The following SLC12A6 variants were observed in gnomAD, a reference collection of about 807,000 sequenced individuals.
SLC12A6 encodes K-Cl cotransporter 3.
Under a neutral mutation model 135.3 loss-of-function variants are expected in SLC12A6, and 66 were observed. The ratio of observed to expected loss-of-function variants is 0.49; its 90% CI spans 0.40 to 0.60. The LOEUF (loss-of-function observed/expected upper bound fraction) is 0.60, where lower values mean the gene tolerates loss of function less well. Among genes scored for constraint, SLC12A6 ranks in the 20% least tolerant of loss-of-function variants. The pLI is 0.00. For synonymous variants in SLC12A6, 513 were observed against 508.8 expected (o/e 1.01, Z -0.11); for missense variants, 1,058 against 1,452.3 (o/e 0.73, Z 4.41).
chr15:34,281,876 A>G (rs919513850), intron 2 of SLC12A6, among the ~76,000 whole-genome samples: 3 of 152,230 alleles, frequency 2.0e-5, no homozygotes, highest in African/African-American at 7.2e-5. Flanking sequence ...CAGTGCATAC[A>G]AAAAGTTAAT....
intron 2 of SLC12A6, among the ~76,000 whole-genome samples, chr15:34,332,782 C>CA (rs555186537): frequency 0.046 from 4,721 of 103,018 alleles, 191 homozygotes; most frequent in African/African-American, 0.14. Context: ...GACTTTGCCT[C>CA]AAAAAAAAAA....
rs558529595 is a variant in SLC12A6 at position 34,319,221 on chromosome 15, C to T, written c.271+17189G>A. ...TGCGATCTCAGCTCACTGCAACCTC[C>T]GCCTCCCAGGTTCAAGCGATTCTCC... is the stretch of plus-strand genomic sequence containing the variant. On this transcript the variant is annotated intron_variant, in intron 2 of 25. Transcript: ENST00000354181. Among the ~76,000 whole-genome samples the T allele has an allele frequency of 1.1e-4, 17 of 151,536 alleles. 1 individual carries two copies. The highest frequency in any genetic ancestry group is 2.6e-4 in the Admixed American group (4 of 15,242).
intron 3 of SLC12A6, 64 bp from the exon 4 acceptor site, chr15:34,261,084 C>T: frequency 1.2e-6 from 1 of 836,146 alleles, no homozygotes; most frequent in East Asian, 2.4e-5. Context: ...ACATCAGCAC[C>T]AGATAAGTGC....
rs758782328 is a variant in SLC12A6 at position 34,239,003 on chromosome 15, C to T, written c.2594G>A (p.Arg865His). ...TVVMGWPNGW[R>H]QSEDARAWKT... Reference sequence around the variant, plus strand: ...CCAAGCGCGGGCATCTTCGCTTTGACGCCAGCCATTAGGCCAGCCCATCAC... The same window carrying T: ...CCAAGCGCGGGCATCTTCGCTTTGATGCCAGCCATTAGGCCAGCCCATCAC... Residue 865 changes from arginine to histidine, a missense_variant, in exon 20 of 26, where the codon CGT becomes CAT. This residue lies in a region of SLC12A6 where 245 missense variants were observed against 440.8 expected (regional missense o/e 0.56). Transcript: ENST00000354181. 6 of 1,614,054 alleles carry T rather than the reference C, an allele frequency of 3.7e-6. No homozygotes were observed. The highest frequency in any genetic ancestry group is 2.2e-5 in the South Asian group (2 of 91,088).
chr15:34,328,799 C>T lies in SLC12A6; in HGVS notation c.271+7611G>A, dbSNP rs1889643617. 2.0e-5 allele frequency among the ~76,000 whole-genome samples: 3 copies of T among 152,156 alleles called. No homozygotes were observed. The South Asian group carries it at 6.2e-4, about 32-fold the overall frequency. On this transcript the variant is annotated intron_variant, in intron 2 of 25. Transcript: ENST00000354181. ...TCAGGAGGCTGAGGTGGGAAGATGG[C>T]TTGAGCCCAGGAGTTCAAGACTGCA... is the stretch of plus-strand genomic sequence containing the variant.
chr15:34,270,000 G>A (rs994161861), intron 3 of SLC12A6, among the ~76,000 whole-genome samples: 9 of 148,896 alleles, frequency 6.0e-5, no homozygotes, highest in Admixed American at 5.9e-4. Context: ...TATAAAAAGA[G>A]ACATTTCCTT....
At chr15:34,289,676 A>G (rs1168887822) in intron 2 of SLC12A6, among the ~76,000 whole-genome samples, 1 of 152,168 alleles carries the variant, frequency 6.6e-6, no homozygotes, top group East Asian at 1.9e-4. Context: ...TGGTCTATTC[A>G]GAGATTCAAC....
At chr15:34,285,780 A>T (rs1895029904) in intron 2 of SLC12A6, among the ~76,000 whole-genome samples, 1 of 151,128 alleles carries the variant, frequency 6.6e-6, no homozygotes, top group African/African-American at 2.4e-5. Context: ...ACATGCTACA[A>T]CATGGATGAA....
chr15:34,288,570 T>C (rs1287275500), intron 2 of SLC12A6, among the ~76,000 whole-genome samples: 1 of 152,252 alleles, frequency 6.6e-6, no homozygotes, highest in African/African-American at 2.4e-5. Context: ...TAAATCACTT[T>C]GGGCAGTAAG....
At chr15:34,334,509 T>C (rs760420691) in intron 2 of SLC12A6, among the ~76,000 whole-genome samples, 7 of 152,118 alleles carry the variant, frequency 4.6e-5, no homozygotes, top group Admixed American at 6.5e-5. Context: ...TTTCTTCTAA[T>C]GGTGGGGAAA....
chr15:34,276,856 CAG>C (rs1894331359), intron 2 of SLC12A6, among the ~76,000 whole-genome samples: 1 of 152,048 alleles, frequency 6.6e-6, no homozygotes, highest in South Asian at 2.1e-4. Flanking sequence ...GCATCCCAGA[CAG>C]AAAGAAACAA....
chr15:34,318,462 T>G (rs2291766), intron 2 of SLC12A6: 1 of 947,000 alleles, frequency 1.1e-6, no homozygotes, highest in East Asian at 2.4e-5. Flanking sequence ...CACAACACTT[T>G]TCTCTGTCCT....
At position 34,310,798 on chromosome 15, in the gene SLC12A6, GTGTGTGTGTGTGTGTGTGT is replaced by G. The variant is rs1566861068; in HGVS notation, c.271+25593_271+25611del. ...TGTGTGTGTGTGTGTGTGTGTGTGT[GTGTGTGTGTGTGTGTGTGT>G]GTCCCGTGTCCAGGCTGGTGTTGAA... On this transcript the variant is annotated intron_variant, in intron 2 of 25. Coordinates refer to ENST00000354181, the MANE Select transcript of SLC12A6 (RefSeq NM_001365088.1). Among the ~76,000 whole-genome samples the G allele has an allele frequency of 1.7e-4, 21 of 121,712 alleles. No individual in the cohort carries two copies. In the East Asian group the frequency reaches 4.9e-3, roughly 28 times the overall value. The allele number at this position is 121,712 out of a possible 152,430, so 79.8% of individuals were successfully genotyped here.
In SLC12A6 at chr15:34,237,283, T is replaced by G. The variant is rs867696248; in HGVS notation, c.2934+136A>C. ...CTTAGGGCAACAAATTAGGGTTTTT[T>G]TTTGTTTTTTTTTTGGCACTAGGGG... is the stretch of plus-strand genomic sequence containing the variant. On this transcript the variant is annotated intron_variant, in intron 22 of 25. Coordinates refer to ENST00000354181, the MANE Select transcript of SLC12A6 (RefSeq NM_001365088.1). 6 of 645,478 alleles carry G rather than the reference T, an allele frequency of 9.3e-6. 1 individual carries two copies. Among genetic ancestry groups the G allele is most frequent in the Middle Eastern group, 3.2e-4 (1 of 3,092 alleles). The allele number at this position is 645,478 out of a possible 1,614,324, so 40.0% of individuals were successfully genotyped here.
At chr15:34,335,243 A>C (rs566991804) in intron 2 of SLC12A6, among the ~76,000 whole-genome samples, 1 of 152,350 alleles carries the variant, frequency 6.6e-6, no homozygotes, top group Admixed American at 6.5e-5. Flanking sequence ...AAAAGAAAAA[A>C]TGATTAGTCA....
intron 16 of SLC12A6, among the ~76,000 whole-genome samples, chr15:34,243,114 A>G (rs1233233494): frequency 6.6e-6 from 1 of 152,118 alleles, no homozygotes; most frequent in African/African-American, 2.4e-5. Context: ...GCTGGTCTCA[A>G]ACTCCTGACC....
intron 2 of SLC12A6, among the ~76,000 whole-genome samples, chr15:34,282,607 G>A (rs1894760727): frequency 6.6e-6 from 1 of 152,062 alleles, no homozygotes; most frequent in South Asian, 2.1e-4. Flanking sequence ...AATAAAATTA[G>A]CTGGGTGTGG....
intron 6 of SLC12A6, among the ~76,000 whole-genome samples, chr15:34,257,072 T>TA (rs954240426): frequency 2.6e-5 from 4 of 152,180 alleles, no homozygotes; most frequent in South Asian, 4.1e-4. Flanking sequence ...GTCATAGTGA[T>TA]AAAAAAGGAC....
chr15:34,272,103 T>C (rs1044571097), intron 3 of SLC12A6, among the ~76,000 whole-genome samples: 3 of 152,064 alleles, frequency 2.0e-5, no homozygotes, highest in Non-Finnish European at 2.9e-5. Context: ...GCCTCCCAAG[T>C]AGCTGGGACT....
Sources: gnomAD v4.1 joint callset for allele counts (sites outside exome capture counted in the v4.1 genomes callset) on GRCh38, gnomAD v4.1.1 for gene constraint, gnomAD v4.1.1 regional missense constraint, MANE v1.5 for transcripts, NCBI Gene and HGNC (gene_info 2026-07-23, HGNC 2026-07-21) for gene names.